RDX: variants seen among roughly 807,000 people sequenced by gnomAD.
The protein encoded by RDX is deafness, autosomal recessive 24.
In RDX, 32 loss-of-function variants were observed where a neutral mutation model predicts 83.7. The observed-to-expected ratio is 0.38, with a 90% CI of 0.29 to 0.51. The LOEUF is 0.51. Ranked by LOEUF, RDX falls within the 20% of genes least tolerant of loss-of-function variation. RDX has a pLI of 0.87. For synonymous variants in RDX, 229 were observed against 222.7 expected (o/e 1.03, Z -0.25); for missense variants, 600 against 689.9 (o/e 0.87, Z 1.46).
chr11:110,232,248 A>T (rs1021045329), intron 13 of RDX, among the ~76,000 whole-genome samples: 10 of 152,154 alleles, frequency 6.6e-5, no homozygotes, highest in Non-Finnish European at 1.0e-4. Context: ...TATTTTGTAC[A>T]TTATTCTAAA....
At chr11:110,272,216 G>A (rs1249833483) in intron 3 of RDX, among the ~76,000 whole-genome samples, 2 of 152,114 alleles carry the variant, frequency 1.3e-5, no homozygotes, top group Non-Finnish European at 2.9e-5. Flanking sequence ...CTTCTGCCCA[G>A]GATTCCTACT....
intron 14 of RDX, among the ~76,000 whole-genome samples, chr11:110,222,598 C>A (rs1864286816): frequency 6.6e-6 from 1 of 152,210 alleles, no homozygotes; most frequent in East Asian, 1.9e-4. Context: ...AAATCGAGAC[C>A]ATCCCGGCTA....
chr11:110,206,430 C>T (rs1035648778), intron 14 of RDX, among the ~76,000 whole-genome samples: 5 of 151,604 alleles, frequency 3.3e-5, no homozygotes, highest in Middle Eastern at 3.4e-3. Context: ...AACTTCATCA[C>T]GAATTACAAA....
intron 14 of RDX, among the ~76,000 whole-genome samples, chr11:110,221,601 AACACACACACACACACACACACAC>A (rs60766252): frequency 8.2e-5 from 11 of 133,596 alleles, no homozygotes; most frequent in East Asian, 2.2e-4. Flanking sequence ...CTGTCTCCAA[AACACACACACACACACACACACAC>A]ACACACACAC....
intron 3 of RDX, among the ~76,000 whole-genome samples, chr11:110,269,930 T>A (rs1860232343): frequency 6.6e-6 from 1 of 152,086 alleles, no homozygotes; most frequent in African/African-American, 2.4e-5. Context: ...TGGTCCCAGC[T>A]ACTCAAGAGG....
chr11:110,211,020 T>C (rs968785474), intron 14 of RDX, among the ~76,000 whole-genome samples: 13 of 152,190 alleles, frequency 8.5e-5, no homozygotes, highest in African/African-American at 3.1e-4. Context: ...ATGGACTAAA[T>C]GATCCAATTA....
At chr11:110,179,369 C>T (rs1390727644) in intron 15 of RDX, among the ~76,000 whole-genome samples, 1 of 152,224 alleles carries the variant, frequency 6.6e-6, no homozygotes, top group East Asian at 1.9e-4. Flanking sequence ...AATATTCATT[C>T]CTGTCACTGC....
At chr11:110,224,196 C>A (rs1032636284) in intron 14 of RDX, among the ~76,000 whole-genome samples, 1 of 150,900 alleles carries the variant, frequency 6.6e-6, no homozygotes, top group Non-Finnish European at 1.5e-5. Context: ...ATTTTTCTAA[C>A]CCCAAACTGT....
chr11:110,182,785 A>G (rs1487731896), intron 15 of RDX, among the ~76,000 whole-genome samples: 5 of 152,206 alleles, frequency 3.3e-5, no homozygotes, highest in Non-Finnish European at 7.3e-5. Context: ...TGTCCGGGGT[A>G]ACAGGACATA....
rs530409076 is a variant in RDX, at chr11:110,211,578, T to G, written c.1749-11900A>C. On this transcript the variant is annotated intron_variant, in intron 14 of 15. Coordinates refer to the RDX transcript ENST00000528498. ...ACCTATTCCAAAATTGACCACATAC[T>G]GGGAAGTAAAGCTCTCCTCAGCAAA... is the stretch of plus-strand genomic sequence containing the variant. 8.4e-4 allele frequency among the ~76,000 whole-genome samples: 128 copies of G among 151,508 alleles called. 1 individual carries two copies. The highest frequency in any genetic ancestry group is 3.0e-3 in the African/African-American group (124 of 41,226).
At chr11:110,204,701 G>A (rs1863540690) in intron 14 of RDX, among the ~76,000 whole-genome samples, 1 of 151,932 alleles carries the variant, frequency 6.6e-6, no homozygotes, top group South Asian at 2.1e-4. Flanking sequence ...ATTTGTAGTA[G>A]AGACGGGGCT....
intron 15 of RDX, among the ~76,000 whole-genome samples, chr11:110,194,376 C>G (rs532732680): frequency 2.3e-4 from 35 of 152,270 alleles, no homozygotes; most frequent in African/African-American, 7.7e-4. Flanking sequence ...CCTGCCACCA[C>G]ACCCAGCTAA....
intron 14 of RDX, among the ~76,000 whole-genome samples, chr11:110,215,985 A>G (rs1412404894): frequency 6.6e-6 from 1 of 152,150 alleles, no homozygotes; most frequent in Non-Finnish European, 1.5e-5. Context: ...CTACACTGAC[A>G]CTTCCATCCC....
chr11:110,281,955 A>C (rs1860781725), intron 1 of RDX, among the ~76,000 whole-genome samples: 3 of 150,792 alleles, frequency 2.0e-5, no homozygotes, highest in Admixed American at 2.0e-4. Flanking sequence ...AAAAAAAAAA[A>C]AAACCAAACA....
intron 1 of RDX, among the ~76,000 whole-genome samples, chr11:110,291,892 G>A (rs984150715): frequency 2.0e-5 from 3 of 152,080 alleles, no homozygotes; most frequent in Admixed American, 6.5e-5. Flanking sequence ...AGCACTTCAG[G>A]AGGCCGAGGC....
intron 5 of RDX, 30 bp from the exon 6 acceptor site, chr11:110,258,219 T>A: frequency 2.4e-5 from 32 of 1,320,212 alleles, no homozygotes; most frequent in Non-Finnish European, 3.2e-5. Context: ...AAAAAAATTA[T>A]AATGACTTTA....
At chr11:110,183,458 G>C (rs1466088815) in intron 15 of RDX, among the ~76,000 whole-genome samples, 1 of 152,156 alleles carries the variant, frequency 6.6e-6, no homozygotes, top group Non-Finnish European at 1.5e-5. Flanking sequence ...CTCCTAAATA[G>C]CTGGGACTAC....
intron 2 of RDX, among the ~76,000 whole-genome samples, chr11:110,275,566 A>G (rs1276892190): frequency 6.6e-6 from 1 of 151,904 alleles, no homozygotes; most frequent in Non-Finnish European, 1.5e-5. Flanking sequence ...CATACGGCTT[A>G]TTTTTCTATT....
At chr11:110,221,639 CACACACGA>C (rs1272613928) in intron 14 of RDX, among the ~76,000 whole-genome samples, 1 of 151,262 alleles carries the variant, frequency 6.6e-6, no homozygotes, top group Non-Finnish European at 1.5e-5. Context: ...CACACACACA[CACACACGA>C]AGATCAAAGT....
Sources: allele counts gnomAD v4.1 joint callset (sites outside exome capture counted in the v4.1 genomes callset), GRCh38; gene constraint gnomAD v4.1.1; transcripts MANE v1.5; gene names NCBI Gene and HGNC (gene_info 2026-07-23, HGNC 2026-07-21).